Variants in PAXBP1 observed in about 807,000 individuals in gnomAD.
PAXBP1 encodes the protein PAX3- and PAX7-binding protein 1.
A neutral mutation model predicts 119.9 loss-of-function variants in PAXBP1; 44 were observed. The observed-to-expected ratio is 0.37, with a 90% CI of 0.29 to 0.47. The LOEUF is 0.47. PAXBP1 is among the 20% of genes least tolerant of loss of function. The pLI is 0.99. For synonymous variants in PAXBP1, 393 were observed against 406.6 expected, an observed-to-expected ratio of 0.97 and a Z score of 0.40; for missense variants, 898 against 1,134.1, an observed-to-expected ratio of 0.79 and a Z score of 2.99.
intron 6 of PAXBP1, 105 bp from the exon 7 acceptor site, chr21:32,759,374 T>C (rs562026395): frequency 2.5e-5 from 28 of 1,113,044 alleles, no homozygotes; most frequent in Non-Finnish European, 3.5e-5. Context: ...TATTAGAACA[T>C]AAAAATATTT....
chr21:32,746,285 A>G (rs2043870497), intron 11 of PAXBP1, among the ~76,000 whole-genome samples: 1 of 152,252 alleles, frequency 6.6e-6, no homozygotes. Flanking sequence ...ATTCAACTAA[A>G]GAGCTTCTAC....
intron 15 of PAXBP1, among the ~76,000 whole-genome samples, chr21:32,739,988 TA>T (rs1270000645): frequency 6.9e-6 from 1 of 145,476 alleles, no homozygotes; most frequent in Admixed American, 6.9e-5. Flanking sequence ...TTACTTACCT[TA>T]AACCCTTCCA....
In PAXBP1 at chr21:32,755,320, G is replaced by A. The variant is rs1163898263; in HGVS notation, c.1417C>T (p.His473Tyr). 6.2e-7 allele frequency: 1 copy of A among 1,613,178 alleles called. No individual in the cohort carries two copies. The highest frequency in any genetic ancestry group is 1.1e-5 in the South Asian group (1 of 90,914). Reference protein sequence around the residue: ...PLINELESAIHQLYKQRASRL... With the variant: ...PLINELESAIYQLYKQRASRL... ...GAAGCTCGCTGTTTGTACAGCTGAT[G>A]TATTGCTGATTCAAGTTCATTAATC... is the stretch of plus-strand genomic sequence containing the variant. The change falls in exon 8 of 18, where the codon CAT becomes TAT. Residue 473 changes from histidine (H) to tyrosine (Y), a missense_variant. Transcript: ENST00000331923.
chr21:32,741,484 T>A, intron 15 of PAXBP1: 1 of 764,698 alleles, frequency 1.3e-6, no homozygotes, highest in Non-Finnish European at 2.4e-6. Flanking sequence ...GAAACATGAC[T>A]GGACAAAAAG....
intron 2 of PAXBP1, among the ~76,000 whole-genome samples, chr21:32,769,422 T>C (rs1481784007): frequency 6.6e-6 from 1 of 152,124 alleles, no homozygotes; most frequent in South Asian, 2.1e-4. Flanking sequence ...AAATCCACTG[T>C]GGAAATACCA....
intron 4 of PAXBP1, 119 bp downstream of exon 4, chr21:32,761,977 C>G: frequency 2.0e-6 from 2 of 1,008,980 alleles, no homozygotes; most frequent in Non-Finnish European, 1.5e-6. Flanking sequence ...AGTCAAGACA[C>G]TGCAGTGAGC....
At chr21:32,748,790 A>G in intron 10 of PAXBP1, 92 bp from the exon 11 acceptor site, 1 of 1,118,118 alleles carries the variant, frequency 8.9e-7, no homozygotes, top group Non-Finnish European at 1.3e-6. Context: ...TTGTAGCTTC[A>G]GTATCAGAAG....
At chr21:32,770,009 T>C in intron 1 of PAXBP1, 67 bp from the exon 2 acceptor site, 2 of 1,201,276 alleles carry the variant, frequency 1.7e-6, no homozygotes. Context: ...TTCTTTCACA[T>C]GATCTTACGT....
At chr21:32,744,756 G>GA (rs78287607) in intron 13 of PAXBP1, 36 bp downstream of exon 13, 40,721 of 1,089,112 alleles carry the variant, frequency 0.037, 5 homozygotes, top group South Asian at 0.046. Flanking sequence ...ACAGAAAGAG[G>GA]AAAAAAAAAA....
intron 5 of PAXBP1, among the ~76,000 whole-genome samples, 153 bp downstream of exon 5, chr21:32,760,906 T>TGC (rs1569165347): frequency 4.2e-5 from 6 of 142,312 alleles, no homozygotes; most frequent in African/African-American, 7.7e-5. Context: ...TGCGTGCGTG[T>TGC]GTGTGTGTGT....
intron 11 of PAXBP1, among the ~76,000 whole-genome samples, chr21:32,746,515 CGAT>C (rs745554823): frequency 3.3e-5 from 5 of 152,050 alleles, no homozygotes; most frequent in East Asian, 1.9e-4. Flanking sequence ...TCAACATCAC[CGAT>C]GATTGGAGAA....
intron 7 of PAXBP1, among the ~76,000 whole-genome samples, chr21:32,758,740 GAA>G (rs1301288691): frequency 6.6e-6 from 1 of 150,820 alleles, no homozygotes; most frequent in African/African-American, 2.4e-5. Context: ...GTTTAAACCT[GAA>G]CCAGAAAAGA....
intron 17 of PAXBP1, 39 bp from the exon 18 acceptor site, chr21:32,735,106 A>G (rs374822523): frequency 7.7e-6 from 11 of 1,426,842 alleles, no homozygotes; most frequent in Non-Finnish European, 1.1e-5. Context: ...ATTAATTAGT[A>G]TATCTAAGAG....
intron 15 of PAXBP1, chr21:32,742,950 C>T: frequency 1.9e-6 from 1 of 522,212 alleles, no homozygotes; most frequent in South Asian, 1.5e-5. Context: ...GAACATATAC[C>T]CCATGGATAC....
At chr21:32,749,574 C>T (rs2043927614) in intron 10 of PAXBP1, among the ~76,000 whole-genome samples, 1 of 151,998 alleles carries the variant, frequency 6.6e-6, no homozygotes, top group Non-Finnish European at 1.5e-5. Context: ...TTCTGAGAAC[C>T]TTTACTGCAA....
At chr21:32,742,897 G>T in intron 15 of PAXBP1, 1 of 455,928 alleles carries the variant, frequency 2.2e-6, no homozygotes, top group Non-Finnish European at 4.4e-6. Context: ...TATATATAGG[G>T]TTCGGTACTA....
chr21:32,746,298 A>G (rs941132415), intron 11 of PAXBP1, among the ~76,000 whole-genome samples: 1 of 152,224 alleles, frequency 6.6e-6, no homozygotes, highest in African/African-American at 2.4e-5. Flanking sequence ...GCTTCTACGC[A>G]GCAAAAGAAA....
At position 32,734,730 on chromosome 21, in the gene PAXBP1, A is replaced by G. The variant is rs778865658; in HGVS notation, c.*220T>C. The G allele has an allele frequency of 5.4e-6, 3 of 555,946 alleles. No individual in the cohort carries two copies. Among genetic ancestry groups the G allele is most frequent in the Non-Finnish European group, 9.5e-6 (3 of 315,318 alleles). 34.4% of individuals were successfully genotyped at this position (555,946 alleles called of 1,614,324 possible). On this transcript the variant is annotated 3_prime_UTR_variant, in exon 18 of 18. Coordinates refer to ENST00000331923, the MANE Select transcript of PAXBP1 (RefSeq NM_016631.4). ...GACCATACAAAATACTTCAGTAAACAAAGTATGACAGGCAGTAAAGAAAAC... is the reference window on the plus strand; with the variant it reads ...GACCATACAAAATACTTCAGTAAACGAAGTATGACAGGCAGTAAAGAAAAC...
At chr21:32,760,731 T>C (rs1277968318) in intron 5 of PAXBP1, among the ~76,000 whole-genome samples, 1 of 152,078 alleles carries the variant, frequency 6.6e-6, no homozygotes, top group African/African-American at 2.4e-5. Context: ...GGCTGATAAT[T>C]TGGTAATTTG....
Sources: gnomAD v4.1 joint callset for allele counts (sites outside exome capture counted in the v4.1 genomes callset) on GRCh38, gnomAD v4.1.1 for gene constraint, MANE v1.5 for transcripts, NCBI Gene and HGNC (gene_info 2026-07-23, HGNC 2026-07-21) for gene names.